The following POLD3 variants were observed in gnomAD, a reference collection of about 807,000 sequenced individuals.
The protein encoded by POLD3 is DNA polymerase delta subunit 3.
Under a neutral mutation model 58.2 loss-of-function variants are expected in POLD3, and 19 were observed. That is an observed-to-expected ratio of 0.33 (90% CI 0.23 to 0.48). The LOEUF (loss-of-function observed/expected upper bound fraction) is 0.48. Among genes scored for constraint, POLD3 ranks in the 20% least tolerant of loss-of-function variants. The pLI is 0.99. For synonymous variants in POLD3, 172 were observed against 193.5 expected, an observed-to-expected ratio of 0.89 and a Z score of 0.92; for missense variants, 504 against 545.5, an observed-to-expected ratio of 0.92 and a Z score of 0.76.
At chr11:74,650,296 G>A (rs2033052277) in intron 4 of POLD3, among the ~76,000 whole-genome samples, 1 of 151,960 alleles carries the variant, frequency 6.6e-6, no homozygotes, top group Non-Finnish European at 1.5e-5. Context: ...AGTGAGGAGG[G>A]AGGGCTAATG....
intron 3 of POLD3, among the ~76,000 whole-genome samples, chr11:74,609,187 G>T (rs1015548864): frequency 2.0e-5 from 3 of 151,222 alleles, no homozygotes; most frequent in Non-Finnish European, 2.9e-5. Context: ...CTGTATTTTA[G>T]AATCACTTGA....
intron 4 of POLD3, among the ~76,000 whole-genome samples, chr11:74,661,038 C>T (rs2033199742): frequency 6.6e-6 from 1 of 151,698 alleles, no homozygotes; most frequent in Admixed American, 6.6e-5. Context: ...AGAATTTCTG[C>T]TTGATTCTTT....
intron 3 of POLD3, 75 bp downstream of exon 3, chr11:74,604,869 G>A: frequency 2.6e-6 from 2 of 773,020 alleles, no homozygotes; most frequent in African/African-American, 3.5e-5. Context: ...GTTCAGGGGA[G>A]AGAAAAAAAT....
At chr11:74,613,808 C>T (rs987968245) in intron 5 of POLD3, among the ~76,000 whole-genome samples, 8 of 152,122 alleles carry the variant, frequency 5.3e-5, no homozygotes, top group Non-Finnish European at 1.0e-4. Flanking sequence ...TGATGGGAGA[C>T]AGGCAGTTAT....
intron 8 of POLD3, chr11:74,628,854 T>C (rs2032506106): frequency 6.2e-6 from 1 of 161,504 alleles, no homozygotes; most frequent in African/African-American, 2.4e-5. Context: ...TGTTGCATTC[T>C]CAATGGCTAG....
chr11:74,592,835 G>A, intron 1 of POLD3, 117 bp downstream of exon 1: 1 of 1,524,238 alleles, frequency 6.6e-7, no homozygotes, highest in Non-Finnish European at 8.8e-7. Flanking sequence ...GGGGAGACAG[G>A]TCCCCACGAG....
At chr11:74,596,313 A>G (rs1042937458) in intron 2 of POLD3, among the ~76,000 whole-genome samples, 1 of 151,112 alleles carries the variant, frequency 6.6e-6, no homozygotes, top group Non-Finnish European at 1.5e-5. Context: ...CCTCCGAGGT[A>G]GCTGGGACTA....
chr11:74,636,390 C>G (rs1427592649), intron 11 of POLD3, 115 bp downstream of exon 11: 1 of 900,600 alleles, frequency 1.1e-6, no homozygotes, highest in African/African-American at 1.7e-5. Context: ...GTGAATCATG[C>G]CCAAGTGGTA....
At chr11:74,615,182 A>G (rs2032046903) in intron 5 of POLD3, among the ~76,000 whole-genome samples, 1 of 152,230 alleles carries the variant, frequency 6.6e-6, no homozygotes, top group South Asian at 2.1e-4. Flanking sequence ...AGTAAAGCTG[A>G]CAGTAGTACC....
At chr11:74,608,524 C>T (rs941694893) in intron 3 of POLD3, among the ~76,000 whole-genome samples, 2 of 152,186 alleles carry the variant, frequency 1.3e-5, no homozygotes, top group African/African-American at 4.8e-5. Context: ...CCCTCCTAGG[C>T]TCTGGGTTTG....
chr11:74,637,414 T>G lies in POLD3; in HGVS notation c.1198+1139T>G, dbSNP rs1292695723. 9.8e-5 allele frequency among the ~76,000 whole-genome samples: 13 copies of G among 133,196 alleles called. No individual in the cohort carries two copies. In the East Asian group the frequency reaches 2.5e-3, roughly 26 times the overall value. The allele number at this position is 133,196 out of a possible 152,430, so 87.4% of individuals were successfully genotyped here. On this transcript the variant is annotated intron_variant, in intron 11 of 11. Transcript: ENST00000263681. The stretch of plus-strand genomic sequence containing the variant: ...CTGTGAATTCTGGACTTTGAATGGG[T>G]TTTTTTTTTTCTTTTTCTTCCTTTT...
chr11:74,642,540 G>A lies in POLD3; in HGVS notation c.*1774G>A. On this transcript the variant is annotated 3_prime_UTR_variant, in exon 12 of 12. Coordinates refer to ENST00000263681, the MANE Select transcript of POLD3 (RefSeq NM_006591.3). ...AACTGAATTTGAATTGGAAAATTCT[G>A]GTGTTGGTTGGAGTTCCATCTTGCA... The A allele has an allele frequency of 2.0e-6, 2 of 985,174 alleles. No individual in the cohort carries two copies. The highest frequency in any genetic ancestry group is 2.4e-6 in the Non-Finnish European group (2 of 829,712). The allele number at this position is 985,174 out of a possible 1,614,324, so 61.0% of individuals were successfully genotyped here. A position where few individuals can be genotyped will look rare whatever the true frequency, so the allele number is the denominator to read the frequency against.
At chr11:74,652,617 A>G (rs1251031099) in intron 4 of POLD3, 1 of 152,252 alleles carries the variant, frequency 6.6e-6, no homozygotes, top group East Asian at 1.9e-4. Flanking sequence ...TCCCGAAGGC[A>G]TTGTTCACTG....
At chr11:74,600,622 A>T (rs34060848) in intron 2 of POLD3, among the ~76,000 whole-genome samples, 2 of 151,478 alleles carry the variant, frequency 1.3e-5, no homozygotes, top group Non-Finnish European at 2.9e-5. Flanking sequence ...CGACAGAGCG[A>T]TACTCTATCT....
intron 7 of POLD3, among the ~76,000 whole-genome samples, chr11:74,623,095 T>G (rs2032315967): frequency 6.6e-6 from 1 of 152,238 alleles, no homozygotes; most frequent in Admixed American, 6.5e-5. Flanking sequence ...AGATCATATA[T>G]TATTTCATTT....
At chr11:74,607,250 ATTTATT>A (rs2031717147) in intron 3 of POLD3, among the ~76,000 whole-genome samples, 1 of 139,618 alleles carries the variant, frequency 7.2e-6, no homozygotes, top group African/African-American at 2.8e-5. Flanking sequence ...TTATATATTT[ATTTATT>A]TATTTATTTA....
intron 1 of POLD3, 74 bp downstream of exon 1, chr11:74,592,792 A>ACC: frequency 1.3e-6 from 2 of 1,588,334 alleles, no homozygotes; most frequent in Non-Finnish European, 1.7e-6. Context: ...GGGAGCCTTG[A>ACC]CCCTCTGTCT....
intron 4 of POLD3, among the ~76,000 whole-genome samples, chr11:74,660,538 T>A (rs2033192883): frequency 1.3e-5 from 2 of 152,188 alleles, no homozygotes; most frequent in Admixed American, 1.3e-4. Context: ...TGGATTTGTG[T>A]CCCTGCCCAA....
intron 8 of POLD3, among the ~76,000 whole-genome samples, chr11:74,626,020 TAGAAA>T (rs2032425061): frequency 6.6e-6 from 1 of 152,016 alleles, no homozygotes; most frequent in Non-Finnish European, 1.5e-5. Flanking sequence ...AAAATGTAAT[TAGAAA>T]AGAAAATAAA....
Sources: gnomAD v4.1 joint callset for allele counts (sites outside exome capture counted in the v4.1 genomes callset) on GRCh38, gnomAD v4.1.1 for gene constraint, MANE v1.5 for transcripts, NCBI Gene and HGNC (gene_info 2026-07-23, HGNC 2026-07-21) for gene names.